The following OCM variants were observed in gnomAD, a reference collection of about 807,000 sequenced individuals.
OCM encodes the protein oncomodulin-1.
A neutral mutation model predicts 14.1 loss-of-function variants in OCM; 18 were observed. The observed-to-expected ratio is 1.28, with a 90% confidence interval of 0.88 to 1.89. OCM has a LOEUF of 1.89. OCM is among the 40% of genes most tolerant of loss of function. The probability of loss-of-function intolerance (pLI) is 0.00; values close to 1 mark genes in which losing one functional copy is unlikely to be tolerated. For missense variants in OCM, 140 were observed against 137.6 expected (o/e 1.02, Z -0.09); for synonymous variants, 48 against 51.0 (o/e 0.94, Z 0.25).
the OCM span, among the ~76,000 whole-genome samples, chr7:5,860,688 A>G: frequency 1.9e-5 from 2 of 104,244 alleles, 1 homozygote; most frequent in Non-Finnish European, 3.8e-5. Context: ...ATACGTGTGT[A>G]TATATTATTA....
chr7:5,879,633 C>T (rs1388624257), upstream of OCM, among the ~76,000 whole-genome samples: 9 of 151,606 alleles, frequency 5.9e-5, no homozygotes, highest in African/African-American at 2.2e-4. Flanking sequence ...CTTCTCCACA[C>T]TTTGCCAACA....
upstream of OCM, among the ~76,000 whole-genome samples, chr7:5,879,603 C>T (rs1781166543): frequency 3.9e-5 from 6 of 152,102 alleles, 1 homozygote; most frequent in Non-Finnish European, 8.8e-5. Flanking sequence ...ACCATCTCCA[C>T]CTTACCAGGC....
chr7:5,860,295 T>G, the OCM span, among the ~76,000 whole-genome samples: 1 of 150,824 alleles, frequency 6.6e-6, no homozygotes, highest in Non-Finnish European at 1.5e-5. Context: ...GTTTCTTTTC[T>G]GCTATAGCAT....
Position 5,882,593 on chromosome 7 carries a change from C to G in OCM, c.162C>G (p.Asp54Glu). ...ATGTTTTCCGGTTCATAGACAACGA[C>G]CAGAGCGGGTACCTGGATGAAGAAG... ...VKDVFRFIDN[D>E]QSGYLDEEEL... is the part of the protein sequence containing the mutation. Residue 54 changes from aspartate (D) to glutamate (E), a missense_variant, in exon 2 of 4, where the codon GAC (aspartate) becomes GAG (glutamate). Transcript: ENST00000242104. 1 of 1,614,070 alleles carries G rather than the reference C, an allele frequency of 6.2e-7. No homozygotes were observed. The highest frequency in any genetic ancestry group is 2.2e-5 in the East Asian group (1 of 44,876).
At chr7:5,876,478 G>A (rs1379425129), upstream of OCM, among the ~76,000 whole-genome samples, 4 of 152,162 alleles carry the variant, frequency 2.6e-5, no homozygotes, top group African/African-American at 4.8e-5. Context: ...GGGGCTGGGC[G>A]AGGTGATGCT....
upstream of OCM, among the ~76,000 whole-genome samples, chr7:5,878,049 C>G (rs1781130854): frequency 6.6e-6 from 1 of 150,414 alleles, no homozygotes; most frequent in Non-Finnish European, 1.5e-5. Flanking sequence ...CGGCTCACTG[C>G]AACCTCCAAC....
rs1781338637 is a variant in OCM at position 5,886,356 on chromosome 7, T to C, written c.*267T>C. On this transcript the variant is annotated 3_prime_UTR_variant, in exon 4 of 4. Transcript: ENST00000242104. Reference sequence around the variant, plus strand: ...AAAAATCACCCAATAAAGACAGGCTTCTCATCATCTGCTGATGTGTGGGCG... The same window carrying C: ...AAAAATCACCCAATAAAGACAGGCTCCTCATCATCTGCTGATGTGTGGGCG... 7 of 480,906 alleles carry C rather than the reference T, an allele frequency of 1.5e-5. No homozygotes were observed. Among genetic ancestry groups the C allele is most frequent in the Non-Finnish European group, 2.7e-5 (7 of 263,572 alleles). 29.8% of individuals were successfully genotyped at this position (480,906 alleles called of 1,614,324 possible). A position where few individuals can be genotyped will look rare whatever the true frequency, so the allele number is the denominator to read the frequency against.
upstream of OCM, among the ~76,000 whole-genome samples, chr7:5,875,972 A>G (rs757498910): frequency 6.3e-4 from 95 of 151,828 alleles, no homozygotes; most frequent in Non-Finnish European, 1.1e-3. Context: ...AGCAGCCGGC[A>G]CCACAGGCAT....
intron 3 of OCM, among the ~76,000 whole-genome samples, chr7:5,884,401 T>C (rs998072779): frequency 3.3e-5 from 5 of 152,190 alleles, no homozygotes; most frequent in Non-Finnish European, 4.4e-5. Context: ...CCAGGGTCCA[T>C]TGGCATGCGT....
the OCM span, among the ~76,000 whole-genome samples, chr7:5,859,728 G>A: frequency 8.6e-5 from 13 of 151,534 alleles, no homozygotes; most frequent in Non-Finnish European, 1.6e-4. Flanking sequence ...AGACAGTTTC[G>A]TTCTTGTTGT....
At chr7:5,869,824 C>T in the OCM span, among the ~76,000 whole-genome samples, 5 of 152,208 alleles carry the variant, frequency 3.3e-5, no homozygotes, top group South Asian at 6.2e-4. Flanking sequence ...CTCAACTTGC[C>T]GGGTCCATCC....
the OCM span, chr7:5,872,116 T>C: frequency 6.6e-6 from 1 of 152,234 alleles, no homozygotes; most frequent in Non-Finnish European, 1.5e-5. Context: ...TTAGGGGACT[T>C]GTGCCATTTC....
At chr7:5,870,285 A>AT in the OCM span, among the ~76,000 whole-genome samples, 3 of 151,730 alleles carry the variant, frequency 2.0e-5, no homozygotes, top group Non-Finnish European at 4.4e-5. Context: ...TAATTTTTAA[A>AT]TTTTTTTGTA....
At chr7:5,862,959 ACTCCT>A in the OCM span, among the ~76,000 whole-genome samples, 2 of 149,346 alleles carry the variant, frequency 1.3e-5, no homozygotes, top group African/African-American at 5.0e-5. Context: ...TGCAACATGG[ACTCCT>A]CTACTCCCTC....
the OCM span, among the ~76,000 whole-genome samples, chr7:5,873,618 T>G: frequency 1.3e-5 from 2 of 152,052 alleles, no homozygotes; most frequent in Non-Finnish European, 2.9e-5. Flanking sequence ...ATGTTGGGAT[T>G]ACAGGCATGA....
the OCM span, among the ~76,000 whole-genome samples, chr7:5,866,298 C>G: frequency 9.4e-5 from 14 of 148,666 alleles, no homozygotes; most frequent in Non-Finnish European, 1.9e-4. Context: ...TGCACTCCAG[C>G]CTGGGCAACA....
chr7:5,878,341 G>C (rs1018994927), upstream of OCM, among the ~76,000 whole-genome samples: 1 of 151,980 alleles, frequency 6.6e-6, no homozygotes, highest in Non-Finnish European at 1.5e-5. Flanking sequence ...GGGCAGTTGT[G>C]GCAGCTCAGT....
the OCM span, among the ~76,000 whole-genome samples, chr7:5,872,736 G>T: frequency 1.3e-5 from 2 of 152,122 alleles, no homozygotes; most frequent in African/African-American, 4.8e-5. Context: ...CACAAACACT[G>T]CCGAAGGCCG....
rs756749429 is a variant in OCM, at chr7:5,880,904, C to G, written c.15C>G (p.Asp5Glu). ...GTAGGTAGAAAATGAGCATCACGGA[C>G]GTGCTCAGTGCTGACGACATTGCAG... is the stretch of plus-strand genomic sequence containing the variant. MSIT[D>E]VLSADDIAAA... Residue 5 changes from aspartate to glutamate, a missense_variant, in exon 1 of 4, where the codon GAC (aspartate) becomes GAG (glutamate). Coordinates refer to ENST00000242104, the MANE Select transcript of OCM (RefSeq NM_001097622.2). 6.2e-7 allele frequency: 1 copy of G among 1,613,678 alleles called. No individual in the cohort carries two copies. Among genetic ancestry groups the G allele is most frequent in the Non-Finnish European group, 8.5e-7 (1 of 1,179,760 alleles).
Sources: gnomAD v4.1 joint callset for allele counts (sites outside exome capture counted in the v4.1 genomes callset) on GRCh38, gnomAD v4.1.1 for gene constraint, MANE v1.5 for transcripts, NCBI Gene and HGNC (gene_info 2026-07-23, HGNC 2026-07-21) for gene names.